LRRTM4: variants seen among roughly 807,000 people sequenced by gnomAD.
The protein encoded by LRRTM4 is leucine rich repeat transmembrane neuronal 4, also known as leucine-rich repeat transmembrane neuronal protein 4.
Under a neutral mutation model 47.6 loss-of-function variants are expected in LRRTM4, and 25 were observed. The ratio of observed to expected loss-of-function variants is 0.53; its 90% CI spans 0.38 to 0.73. The LOEUF is 0.73. LRRTM4 is among the 30% of genes least tolerant of loss of function. LRRTM4 has a pLI of 0.00. For missense variants in LRRTM4, 638 were observed against 713.4 expected (o/e 0.89, Z 1.20); for synonymous variants, 311 against 269.5 (o/e 1.15, Z -1.51).
chr2:76,805,119 GA>G (rs1675904233), intron 3 of LRRTM4, among the ~76,000 whole-genome samples: 2 of 152,238 alleles, frequency 1.3e-5, no homozygotes, highest in Middle Eastern at 3.4e-3. Context: ...AAGCCTCATG[GA>G]GACAGGAATC....
At chr2:77,379,899 G>A (rs1672986694) in intron 3 of LRRTM4, among the ~76,000 whole-genome samples, 1 of 151,832 alleles carries the variant, frequency 6.6e-6, no homozygotes, top group East Asian at 1.9e-4. Flanking sequence ...TTTATCTCAG[G>A]TTGTTTTTAA....
At chr2:77,062,660 C>CT (rs558176999) in intron 3 of LRRTM4, among the ~76,000 whole-genome samples, 97 of 151,986 alleles carry the variant, frequency 6.4e-4, no homozygotes, top group Non-Finnish European at 1.2e-3. Flanking sequence ...ACTCAGGTTC[C>CT]TTTTTTTTCT....
chr2:77,449,099 C>T (rs1159757025), intron 3 of LRRTM4, among the ~76,000 whole-genome samples: 2 of 152,086 alleles, frequency 1.3e-5, no homozygotes, highest in Non-Finnish European at 2.9e-5. Flanking sequence ...TTTATATATC[C>T]ATTCCCTGTC....
At chr2:77,288,188 A>G (rs980564783) in intron 3 of LRRTM4, among the ~76,000 whole-genome samples, 1 of 151,998 alleles carries the variant, frequency 6.6e-6, no homozygotes, top group Non-Finnish European at 1.5e-5. Context: ...AATCAGAAGC[A>G]GAGTGTCAAG....
At chr2:77,225,926 A>G (rs1391105308) in intron 3 of LRRTM4, among the ~76,000 whole-genome samples, 2 of 152,012 alleles carry the variant, frequency 1.3e-5, no homozygotes, top group African/African-American at 4.8e-5. Flanking sequence ...GAAAATAAAT[A>G]GTTAAGTAGC....
At chr2:76,801,214 C>G (rs1003687107) in intron 3 of LRRTM4, among the ~76,000 whole-genome samples, 1 of 152,076 alleles carries the variant, frequency 6.6e-6, no homozygotes, top group Non-Finnish European at 1.5e-5. Context: ...CACATGCACA[C>G]ATATGTTTAT....
At chr2:77,103,101 C>A (rs1671000198) in intron 3 of LRRTM4, among the ~76,000 whole-genome samples, 1 of 152,054 alleles carries the variant, frequency 6.6e-6, no homozygotes, top group Non-Finnish European at 1.5e-5. Flanking sequence ...TCAGGTGCAA[C>A]AATTCTCACA....
chr2:77,335,366 G>C (rs1671124916), intron 3 of LRRTM4, among the ~76,000 whole-genome samples: 1 of 152,068 alleles, frequency 6.6e-6, no homozygotes, highest in Non-Finnish European at 1.5e-5. Context: ...ATTCAGGCTG[G>C]GTTCTTCCTT....
intron 3 of LRRTM4, among the ~76,000 whole-genome samples, chr2:77,260,813 C>G (rs1675900425): frequency 6.6e-6 from 1 of 151,986 alleles, no homozygotes; most frequent in African/African-American, 2.4e-5. Context: ...TCACGCCGAG[C>G]CTGATCAAAA....
intron 3 of LRRTM4, among the ~76,000 whole-genome samples, chr2:77,413,824 A>T (rs1000299062): frequency 1.1e-4 from 16 of 144,132 alleles, no homozygotes; most frequent in African/African-American, 3.5e-4. Context: ...GCAAACATTG[A>T]TATTTCTGTC....
At chr2:76,911,708 G>C (rs535311589) in intron 3 of LRRTM4, among the ~76,000 whole-genome samples, 1 of 152,094 alleles carries the variant, frequency 6.6e-6, no homozygotes, top group Non-Finnish European at 1.5e-5. Flanking sequence ...GAGAAAGGGA[G>C]AGACAGGTAG....
chr2:77,336,011 G>A (rs979943146), intron 3 of LRRTM4, among the ~76,000 whole-genome samples: 2 of 151,818 alleles, frequency 1.3e-5, no homozygotes, highest in Non-Finnish European at 2.9e-5. Flanking sequence ...GCAGTGGGCT[G>A]GATTTCATCT....
intron 3 of LRRTM4, among the ~76,000 whole-genome samples, chr2:76,751,706 CAT>C (rs1224146269): frequency 1.3e-5 from 2 of 152,058 alleles, no homozygotes; most frequent in Non-Finnish European, 2.9e-5. Context: ...TAGGAAACCT[CAT>C]AGGATTTTTC....
At chr2:77,451,814 A>T (rs1676265865) in intron 3 of LRRTM4, among the ~76,000 whole-genome samples, 4 of 152,206 alleles carry the variant, frequency 2.6e-5, no homozygotes, top group Admixed American at 1.3e-4. Context: ...AGGTTAAAAA[A>T]ATCTGTTGAA....
At chr2:76,846,559 T>C (rs1402485497) in intron 3 of LRRTM4, among the ~76,000 whole-genome samples, 1 of 152,190 alleles carries the variant, frequency 6.6e-6, no homozygotes, top group African/African-American at 2.4e-5. Context: ...CTACCATAAA[T>C]GCTATCTAAT....
At chr2:77,467,648 G>A (rs1677030483) in intron 3 of LRRTM4, among the ~76,000 whole-genome samples, 1 of 152,262 alleles carries the variant, frequency 6.6e-6, no homozygotes, top group South Asian at 2.1e-4. Flanking sequence ...AAGCACAGCA[G>A]TTTATTAGTT....
intron 3 of LRRTM4, among the ~76,000 whole-genome samples, chr2:76,780,062 T>C (rs1379019723): frequency 6.6e-6 from 1 of 152,228 alleles, no homozygotes; most frequent in Non-Finnish European, 1.5e-5. Context: ...TTGAAAATTC[T>C]TTTCTTTATG....
At chr2:77,165,375 C>T (rs564631630) in intron 3 of LRRTM4, among the ~76,000 whole-genome samples, 5 of 152,198 alleles carry the variant, frequency 3.3e-5, no homozygotes, top group South Asian at 4.1e-4. Flanking sequence ...CCAAATTCTA[C>T]CAGAGGTACA....
At chr2:77,251,312 A>G (rs762035568) in intron 3 of LRRTM4, among the ~76,000 whole-genome samples, 1 of 150,958 alleles carries the variant, frequency 6.6e-6, no homozygotes, top group Admixed American at 6.6e-5. Flanking sequence ...CAAATTTTGA[A>G]TTATCATAAA....
Sources: allele counts gnomAD v4.1 joint callset (sites outside exome capture counted in the v4.1 genomes callset), GRCh38; gene constraint gnomAD v4.1.1; transcripts MANE v1.5; gene names NCBI Gene and HGNC (gene_info 2026-07-23, HGNC 2026-07-21).